ADA: variants seen among roughly 807,000 people sequenced by gnomAD.
The protein encoded by ADA is adenosine aminohydrolase.
A neutral mutation model predicts 49.0 loss-of-function variants in ADA; 45 were observed. That is an observed-to-expected ratio of 0.92 (90% CI 0.72 to 1.18). The LOEUF (loss-of-function observed/expected upper bound fraction) is 1.18. ADA is among the 50% of genes most tolerant of loss of function. The pLI is 0.00. For missense variants in ADA, 445 were observed against 472.5 expected, an observed-to-expected ratio of 0.94 and a Z score of 0.54; for synonymous variants, 173 against 184.2, an observed-to-expected ratio of 0.94 and a Z score of 0.49.
chr20:44,641,827 G>A (rs2065538503), intron 1 of ADA, among the ~76,000 whole-genome samples: 1 of 151,604 alleles, frequency 6.6e-6, no homozygotes, highest in Non-Finnish European at 1.5e-5. Flanking sequence ...GAGTGCAGTG[G>A]CAAGATCTCA....
intron 1 of ADA, among the ~76,000 whole-genome samples, chr20:44,642,461 G>T (rs452159): frequency 0.28 from 42,302 of 152,004 alleles, 6,259 homozygotes; most frequent in East Asian, 0.43. Flanking sequence ...GGGGGAGTTC[G>T]CCAGGGAGAA....
intron 2 of ADA, among the ~76,000 whole-genome samples, chr20:44,630,141 T>C (rs1484257563): frequency 6.6e-6 from 1 of 151,764 alleles, no homozygotes; most frequent in South Asian, 2.1e-4. Context: ...GGTCAGGAGA[T>C]TGAGACTATC....
rs1437885947 is a variant in ADA, at chr20:44,626,656, A to G, written c.219-57T>C. 2.5e-6 allele frequency: 4 copies of G among 1,607,000 alleles called. No individual in the cohort carries two copies. The African/African-American group carries it at 4.0e-5, about 16-fold the overall frequency. Reference sequence around the variant, plus strand: ...CTTCCCCAAGTCCCTTGGGAGCTCCAGGAGCAAATGACATCCCCAACCCTT... The same window carrying G: ...CTTCCCCAAGTCCCTTGGGAGCTCCGGGAGCAAATGACATCCCCAACCCTT... On this transcript the variant is annotated intron_variant, in intron 3 of 11. Transcript: ENST00000372874.
At chr20:44,636,087 C>T in intron 2 of ADA, 140 bp downstream of exon 2, 1 of 812,694 alleles carries the variant, frequency 1.2e-6, no homozygotes. Flanking sequence ...CTCACAGTCC[C>T]ACTTCTGGCC....
chr20:44,621,435 G>A (rs572630647), intron 9 of ADA, among the ~76,000 whole-genome samples: 1 of 152,178 alleles, frequency 6.6e-6, no homozygotes, highest in African/African-American at 2.4e-5. Flanking sequence ...GGGGCGTGGG[G>A]GTGGGAGCCA....
chr20:44,625,641 C>T lies in ADA; in HGVS notation c.406G>A (p.Gly136Ser). The change falls in exon 5 of 12, where the codon GGC becomes AGC. Residue 136 changes from glycine to serine, a missense_variant. Transcript: ENST00000372874. ...AAGTCTCGCTCCCCCTCCTGCAGGCCCTGGCCCACTAGGGCCACCACCTCG... is the reference window on the plus strand; with the variant it reads ...AAGTCTCGCTCCCCCTCCTGCAGGCTCTGGCCCACTAGGGCCACCACCTCG... ...PDEVVALVGQ[G>S]LQEGERDFGV... is the part of the protein sequence containing the mutation. 6.3e-7 allele frequency: 1 copy of T among 1,579,318 alleles called. No individual in the cohort carries two copies. Among genetic ancestry groups the T allele is most frequent in the Non-Finnish European group, 8.6e-7 (1 of 1,161,944 alleles).
intron 4 of ADA, 61 bp from the exon 5 acceptor site, chr20:44,625,745 T>G (rs2065376727): frequency 6.7e-6 from 9 of 1,353,372 alleles, no homozygotes; most frequent in Non-Finnish European, 8.3e-6. Context: ...AGGGCAGCTC[T>G]GGGACTGGGA....
At chr20:44,620,864 T>C in intron 10 of ADA, 154 bp downstream of exon 10, 1 of 1,032,992 alleles carries the variant, frequency 9.7e-7, no homozygotes, top group Non-Finnish European at 1.5e-6. Context: ...AACACAAAGA[T>C]GTCTTCTCTG....
intron 10 of ADA, 42 bp from the exon 11 acceptor site, chr20:44,620,443 A>G: frequency 6.5e-7 from 1 of 1,537,060 alleles, no homozygotes; most frequent in Non-Finnish European, 9.0e-7. Context: ...ACCAGAGAAC[A>G]AAGAAGGCAG....
intron 9 of ADA, among the ~76,000 whole-genome samples, chr20:44,622,165 G>C (rs749087370): frequency 2.6e-5 from 4 of 152,200 alleles, no homozygotes; most frequent in African/African-American, 4.8e-5. Context: ...CAGACCCTCC[G>C]GTGGAAAGCT....
Position 44,622,817 on chromosome 20 carries a change from T to C in ADA, c.780+12A>G, listed in dbSNP as rs2065345130. On this transcript the variant is annotated intron_variant, in intron 8 of 11. Transcript: ENST00000372874. Reference sequence around the variant, plus strand: ...CCGGGGATGGTTCCTCCCCACTCCCTGGCCCGCTTACCTCGAAGTGCATGT... The same window carrying C: ...CCGGGGATGGTTCCTCCCCACTCCCCGGCCCGCTTACCTCGAAGTGCATGT... The C allele has an allele frequency of 6.2e-7, 1 of 1,614,094 alleles. No individual in the cohort carries two copies.
chr20:44,622,421 C>T (rs1057245953), intron 9 of ADA, among the ~76,000 whole-genome samples, 167 bp downstream of exon 9: 1 of 152,224 alleles, frequency 6.6e-6, no homozygotes, highest in Non-Finnish European at 1.5e-5. Context: ...ATCTGGGCCT[C>T]GGATTCCTCA....
chr20:44,628,963 G>A, intron 3 of ADA, 84 bp downstream of exon 3: 1 of 1,597,448 alleles, frequency 6.3e-7, no homozygotes, highest in Non-Finnish European at 8.6e-7. Context: ...CAACTTCTCT[G>A]GCCCCCACAG....
chr20:44,619,937 A>G (rs1421419085), intron 11 of ADA, 90 bp from the exon 12 acceptor site: 6 of 1,537,568 alleles, frequency 3.9e-6, no homozygotes, highest in Non-Finnish European at 3.6e-6. Context: ...ACCAGAAAGG[A>G]ACTCCTTCCT....
At chr20:44,620,179 G>A in intron 11 of ADA, 120 bp downstream of exon 11, 1 of 931,044 alleles carries the variant, frequency 1.1e-6, no homozygotes, top group South Asian at 1.3e-5. Flanking sequence ...AGAAACCAGG[G>A]AGTCATCACA....
chr20:44,650,137 A>T (rs2065630027), intron 1 of ADA, among the ~76,000 whole-genome samples: 1 of 152,224 alleles, frequency 6.6e-6, no homozygotes, highest in African/African-American at 2.4e-5. Context: ...AAGACTGCAA[A>T]GGGGAGGCGC....
At position 44,636,543 on chromosome 20, in the gene ADA, T is replaced by G. The variant is rs73300328; in HGVS notation, c.34-255A>C. Among the ~76,000 whole-genome samples, 7,329 of 152,042 alleles carry G rather than the reference T, an allele frequency of 0.048. 353 individuals are homozygous for G. The highest frequency in any genetic ancestry group is 0.13 in the African/African-American group (5,419 of 41,436). On this transcript the variant is annotated intron_variant, in intron 1 of 11. Transcript: ENST00000372874. ...AATTGAGGACACTGAGGTTCGGAGG[T>G]GTTAAATATCTCATCCAAGGCCACA...
intron 1 of ADA, among the ~76,000 whole-genome samples, chr20:44,637,026 G>A (rs958965764): frequency 7.2e-5 from 11 of 152,034 alleles, no homozygotes; most frequent in Admixed American, 2.0e-4. Context: ...GGCTAGTCTC[G>A]AACTCCTGAC....
intron 1 of ADA, among the ~76,000 whole-genome samples, chr20:44,651,028 C>T (rs1260916358): frequency 2.6e-5 from 4 of 152,218 alleles, no homozygotes; most frequent in Non-Finnish European, 5.9e-5. Flanking sequence ...AGCTCCTGTT[C>T]TTCCCGCGCG....
Sources: allele counts gnomAD v4.1 joint callset (sites outside exome capture counted in the v4.1 genomes callset), GRCh38; gene constraint gnomAD v4.1.1; transcripts MANE v1.5; gene names NCBI Gene and HGNC (gene_info 2026-07-23, HGNC 2026-07-21).